Variants in PMS1 observed in about 807,000 individuals in gnomAD.
PMS1 encodes the protein PMS1 homolog 1, mismatch repair system component.
PMS1 carries 79 observed loss-of-function variants against 93.1 expected under a neutral mutation model. The ratio of observed to expected loss-of-function variants is 0.85; its 90% confidence interval spans 0.71 to 1.02. The LOEUF (loss-of-function observed/expected upper bound fraction) is 1.02, where lower values mean the gene tolerates loss of function less well. Among genes scored for constraint, PMS1 ranks in the 50% least tolerant of loss-of-function variants. The pLI is 0.00. For missense variants in PMS1, 1,064 were observed against 1,085.3 expected (o/e 0.98, Z 0.28); for synonymous variants, 335 against 363.4 (o/e 0.92, Z 0.89).
intron 5 of PMS1, among the ~76,000 whole-genome samples, chr2:189,843,014 T>A (rs1024421756): frequency 4.1e-5 from 6 of 147,812 alleles, no homozygotes; most frequent in African/African-American, 5.1e-5. Flanking sequence ...ATATATATAT[T>A]TTTTTCTTAT....
At chr2:189,816,463 C>CT (rs975745553) in intron 4 of PMS1, among the ~76,000 whole-genome samples, 2 of 152,062 alleles carry the variant, frequency 1.3e-5, no homozygotes, top group African/African-American at 4.8e-5. Context: ...GTGTAAAATT[C>CT]TTTTCTTGTC....
At chr2:189,844,231 TGTTAA>T in intron 6 of PMS1, 151 bp downstream of exon 6, 3 of 1,289,986 alleles carry the variant, frequency 2.3e-6, no homozygotes, top group Non-Finnish European at 3.1e-6. Context: ...ACAGAGCTTA[TGTTAA>T]ACCTCTTTCC....
chr2:189,877,272 G>A lies in PMS1; in HGVS notation c.2635G>A (p.Gly879Arg). Residue 879 changes from glycine to arginine, a missense_variant and splice_region_variant, in exon 13 of 13, where the codon GGA becomes AGA. Transcript: ENST00000441310. ...AATGTGTGACTTTCCCTTTGGACAG[G>A]GAGAAGCAGTGCGTCTATCCAGACA... ...RPRKVISYLE[G>R]EAVRLSRQLP... 1 of 1,613,280 alleles carries A rather than the reference G, an allele frequency of 6.2e-7. No homozygotes were observed. The highest frequency in any genetic ancestry group is 8.5e-7 in the Non-Finnish European group (1 of 1,179,324).
intron 12 of PMS1, among the ~76,000 whole-genome samples, chr2:189,875,638 G>C (rs2057496471): frequency 6.6e-6 from 1 of 151,930 alleles, no homozygotes; most frequent in Non-Finnish European, 1.5e-5. Flanking sequence ...GTGTTGAACT[G>C]GTGGAAGACT....
chr2:189,787,759 A>G (rs1400762646), intron 1 of PMS1, among the ~76,000 whole-genome samples: 4 of 152,234 alleles, frequency 2.6e-5, no homozygotes, highest in African/African-American at 7.2e-5. Context: ...ACTAACAGCT[A>G]TATGATACTG....
At position 189,854,640 on chromosome 2, in the gene PMS1, T is replaced by C; in HGVS notation, c.1368T>C (p.Thr456=). The change falls in exon 9 of 13, where the codon ACT becomes ACC. Residue 456 remains threonine (T), a synonymous_variant. Transcript: ENST00000441310. ...WENSQTEYSK[T]CFISSVKHTQ... ...ACTCTCAGACGGAATATAGTAAAAC[T>C]TGTTTTATAAGTTCCGTTAAGCACA... 6.2e-7 allele frequency: 1 copy of C among 1,613,994 alleles called. No individual in the cohort carries two copies. The highest frequency in any genetic ancestry group is 8.5e-7 in the Non-Finnish European group (1 of 1,179,914).
At chr2:189,864,678 AAAAAAAAAAATATATATATATATAT>A in intron 10 of PMS1, among the ~76,000 whole-genome samples, 2 of 47,514 alleles carry the variant, frequency 4.2e-5, no homozygotes, top group Non-Finnish European at 3.8e-5. Flanking sequence ...AAAAAAAAAA[AAAAAAAAAAATATATATATATATAT>A]ATATATATAT....
At chr2:189,789,553 C>A (rs1299014271) in intron 1 of PMS1, among the ~76,000 whole-genome samples, 1 of 152,090 alleles carries the variant, frequency 6.6e-6, no homozygotes, top group Non-Finnish European at 1.5e-5. Flanking sequence ...CGGCCTCTTC[C>A]CAGAAGTGCA....
At chr2:189,872,086 C>T (rs1465666964) in intron 11 of PMS1, among the ~76,000 whole-genome samples, 1 of 152,108 alleles carries the variant, frequency 6.6e-6, no homozygotes, top group African/African-American at 2.4e-5. Context: ...CCACTAGGCC[C>T]ACCTTTAACA....
intron 4 of PMS1, among the ~76,000 whole-genome samples, chr2:189,808,802 A>AT (rs1559236789): frequency 6.6e-6 from 1 of 152,148 alleles, no homozygotes; most frequent in South Asian, 2.1e-4. Context: ...ATTTTAAAGC[A>AT]TTTTTTTAAA....
At position 189,791,827 on chromosome 2, in the gene PMS1, G is replaced by C. The variant is rs771930754; in HGVS notation, c.18G>C (p.Ala6=). The C allele has an allele frequency of 2.5e-6, 4 of 1,613,888 alleles. No homozygotes were observed. Among genetic ancestry groups the C allele is most frequent in the Non-Finnish European group, 3.4e-6 (4 of 1,179,900 alleles). Residue 6 remains alanine (A), a synonymous_variant, in exon 2 of 13, where the codon GCG becomes GCC. Coordinates refer to ENST00000441310, the MANE Select transcript of PMS1 (RefSeq NM_000534.5). The part of the protein sequence containing the change: MKQLP[A]ATVRLLSSSQ... The stretch of plus-strand genomic sequence containing the variant: ...AAGCGAAAATGAAACAATTGCCTGC[G>C]GCAACAGTTCGACTCCTTTCAAGTT...
chr2:189,865,690 CAA>C (rs1282147066), intron 10 of PMS1, among the ~76,000 whole-genome samples: 1 of 151,870 alleles, frequency 6.6e-6, no homozygotes, highest in Non-Finnish European at 1.5e-5. Flanking sequence ...CCTGGGGAAA[CAA>C]AAATAAAAAA....
In PMS1 at chr2:189,820,471, A is replaced by T. The variant is rs78101609; in HGVS notation, c.582+2291A>T. Reference sequence around the variant, plus strand: ...TACCACCATGCCTGGCTCATTTTTAATTTTTTTTGTAGGGATATGGGGGGT... The same window carrying T: ...TACCACCATGCCTGGCTCATTTTTATTTTTTTTTGTAGGGATATGGGGGGT... On this transcript the variant is annotated intron_variant, in intron 5 of 12. Transcript: ENST00000441310. Among the ~76,000 whole-genome samples, 270 of 151,370 alleles carry T rather than the reference A, an allele frequency of 1.8e-3. 6 individuals carry two copies. The East Asian group carries it at 0.04, about 23-fold the overall frequency.
At chr2:189,856,901 AT>A (rs2055392541) in intron 9 of PMS1, among the ~76,000 whole-genome samples, 1 of 152,064 alleles carries the variant, frequency 6.6e-6, no homozygotes, top group Admixed American at 6.6e-5. Flanking sequence ...CTAAAAATCC[AT>A]TTACCATCAA....
At chr2:189,846,143 G>C (rs1177038707) in intron 6 of PMS1, among the ~76,000 whole-genome samples, 3 of 152,112 alleles carry the variant, frequency 2.0e-5, no homozygotes, top group African/African-American at 7.2e-5. Flanking sequence ...AACACTTTGG[G>C]AGGCTGAGGC....
At chr2:189,793,094 G>A (rs2049040211) in intron 2 of PMS1, among the ~76,000 whole-genome samples, 1 of 152,114 alleles carries the variant, frequency 6.6e-6, no homozygotes, top group African/African-American at 2.4e-5. Context: ...ACAGGCGTGA[G>A]CCACTCATGC....
At chr2:189,819,513 T>C (rs2051636045) in intron 5 of PMS1, among the ~76,000 whole-genome samples, 1 of 152,210 alleles carries the variant, frequency 6.6e-6, no homozygotes, top group African/African-American at 2.4e-5. Context: ...GAGTAAATGT[T>C]CCCTTTTCTC....
chr2:189,869,924 A>G (rs2056996883), intron 11 of PMS1, among the ~76,000 whole-genome samples: 1 of 151,678 alleles, frequency 6.6e-6, no homozygotes, highest in South Asian at 2.1e-4. Flanking sequence ...TTAACTACCC[A>G]GTAAGTTTAT....
chr2:189,813,425 A>G (rs1040625525), intron 4 of PMS1, among the ~76,000 whole-genome samples: 4 of 152,212 alleles, frequency 2.6e-5, no homozygotes, highest in African/African-American at 7.2e-5. Context: ...TAGTTAACCA[A>G]TTCTAAGATG....
Sources: gnomAD v4.1 joint callset for allele counts (sites outside exome capture counted in the v4.1 genomes callset) on GRCh38, gnomAD v4.1.1 for gene constraint, MANE v1.5 for transcripts, NCBI Gene and HGNC (gene_info 2026-07-23, HGNC 2026-07-21) for gene names.